CDH12: variants seen among roughly 807,000 people sequenced by gnomAD.
The protein encoded by CDH12 is cadherin 12, also known as cadherin-12.
CDH12 carries 41 observed loss-of-function variants against 74.1 expected under a neutral mutation model. The ratio of observed to expected loss-of-function variants is 0.55; its 90% confidence interval spans 0.43 to 0.72. The LOEUF (loss-of-function observed/expected upper bound fraction) is 0.72. Among genes scored for constraint, CDH12 ranks in the 30% least tolerant of loss-of-function variants. The probability of loss-of-function intolerance (pLI) is 0.00; values close to 1 mark genes in which losing one functional copy is unlikely to be tolerated. For missense variants in CDH12, 945 were observed against 977.2 expected, an observed-to-expected ratio of 0.97 and a Z score of 0.44; for synonymous variants, 399 against 355.0, an observed-to-expected ratio of 1.12 and a Z score of -1.39.
chr5:22,709,151 G>A (rs540467436), intron 1 of CDH12, among the ~76,000 whole-genome samples: 5 of 152,182 alleles, frequency 3.3e-5, no homozygotes, highest in Non-Finnish European at 7.3e-5. Flanking sequence ...GGAAGAGAGA[G>A]AGTGGCCACA....
chr5:21,796,215 G>A (rs532676614), intron 10 of CDH12, among the ~76,000 whole-genome samples: 104 of 152,088 alleles, frequency 6.8e-4, no homozygotes, highest in Non-Finnish European at 1.4e-3. Flanking sequence ...AGTTGAAAAT[G>A]CATCTAAGAC....
rs1267754140 is a variant in CDH12, at chr5:22,815,548, T to C, written c.-523+37510A>G. 2.0e-5 allele frequency among the ~76,000 whole-genome samples: 3 copies of C among 152,016 alleles called. No homozygotes were observed. The East Asian group carries it at 5.8e-4, about 29-fold the overall frequency. ...ACTTTGGGAGGCTGAGGGGGGCGGA[T>C]AACCTGAGGTCAGGAGTTCGAGACT... On this transcript the variant is annotated intron_variant, in intron 1 of 14. Transcript: ENST00000382254.
intron 2 of CDH12, among the ~76,000 whole-genome samples, chr5:22,459,908 C>T (rs1385134510): frequency 6.6e-6 from 1 of 151,744 alleles, no homozygotes; most frequent in Non-Finnish European, 1.5e-5. Context: ...ACGGAGGTTG[C>T]AGTGAGCCGA....
intron 6 of CDH12, among the ~76,000 whole-genome samples, chr5:21,872,806 C>G (rs1341894505): frequency 1.2e-4 from 18 of 151,310 alleles, no homozygotes; most frequent in Non-Finnish European, 1.6e-4. Flanking sequence ...ATCTATCTAT[C>G]TATCTATCTA....
At chr5:22,458,647 A>T (rs1316986611) in intron 2 of CDH12, among the ~76,000 whole-genome samples, 3 of 152,200 alleles carry the variant, frequency 2.0e-5, no homozygotes, top group African/African-American at 7.2e-5. Flanking sequence ...ACATCACAAA[A>T]TTGATATGCT....
chr5:22,050,903 A>G (rs1484473348), intron 5 of CDH12, among the ~76,000 whole-genome samples: 2 of 152,122 alleles, frequency 1.3e-5, no homozygotes, highest in Non-Finnish European at 2.9e-5. Flanking sequence ...CAATATTACT[A>G]CCAGTGTTCT....
At chr5:22,813,411 C>T (rs16899832) in intron 1 of CDH12, among the ~76,000 whole-genome samples, 43,972 of 151,848 alleles carry the variant, frequency 0.29, 6,767 homozygotes, top group South Asian at 0.37. Context: ...GTTTTTCTTT[C>T]GTCTCATTTT....
chr5:22,059,034 A>C (rs1021214739), intron 5 of CDH12, among the ~76,000 whole-genome samples: 3 of 152,152 alleles, frequency 2.0e-5, no homozygotes, highest in African/African-American at 7.2e-5. Flanking sequence ...GACATAAGAA[A>C]AACATTCAGT....
chr5:22,169,617 A>T (rs1325186678), intron 4 of CDH12, among the ~76,000 whole-genome samples: 1 of 151,982 alleles, frequency 6.6e-6, no homozygotes, highest in Non-Finnish European at 1.5e-5. Context: ...CCCATGATAG[A>T]CATTACTTTT....
chr5:22,812,968 G>A (rs1464384504), intron 1 of CDH12, among the ~76,000 whole-genome samples: 1 of 152,128 alleles, frequency 6.6e-6, no homozygotes, highest in African/African-American at 2.4e-5. Context: ...GAGACTTGCA[G>A]AAGGGGTTAC....
intron 1 of CDH12, among the ~76,000 whole-genome samples, chr5:22,761,676 G>T (rs904098807): frequency 3.3e-5 from 5 of 152,040 alleles, no homozygotes; most frequent in African/African-American, 9.7e-5. Context: ...ATTCCCAAGT[G>T]CTTGCTCATC....
intron 1 of CDH12, among the ~76,000 whole-genome samples, chr5:22,781,239 T>C (rs766122235): frequency 3.9e-5 from 6 of 152,230 alleles, no homozygotes; most frequent in Non-Finnish European, 8.8e-5. Context: ...TTACAGCTCC[T>C]AACCGTGGCA....
intron 5 of CDH12, among the ~76,000 whole-genome samples, chr5:22,000,851 A>G (rs1482741049): frequency 1.8e-4 from 28 of 152,228 alleles, no homozygotes; most frequent in Non-Finnish European, 3.8e-4. Context: ...ATTCAGCTCG[A>G]AAAAAAGCCT....
chr5:22,178,354 A>G (rs1243570197), intron 4 of CDH12, among the ~76,000 whole-genome samples: 1 of 152,170 alleles, frequency 6.6e-6, no homozygotes, highest in Non-Finnish European at 1.5e-5. Context: ...TGTGATGGGG[A>G]TATCAGATAT....
intron 7 of CDH12, among the ~76,000 whole-genome samples, chr5:21,845,113 T>C (rs1467751633): frequency 1.3e-5 from 2 of 152,110 alleles, no homozygotes; most frequent in African/African-American, 4.8e-5. Flanking sequence ...AACGGAAAGC[T>C]TGACTTATCT....
At chr5:22,151,130 T>C (rs1487495515) in intron 4 of CDH12, among the ~76,000 whole-genome samples, 1 of 152,162 alleles carries the variant, frequency 6.6e-6, no homozygotes, top group Admixed American at 6.5e-5. Context: ...TCCACACCCA[T>C]TTTACTCATG....
At chr5:21,839,020 T>C (rs919453010) in intron 8 of CDH12, among the ~76,000 whole-genome samples, 5 of 152,224 alleles carry the variant, frequency 3.3e-5, no homozygotes, top group African/African-American at 7.2e-5. Context: ...AGATTGAACA[T>C]ATTTCATATG....
At chr5:21,926,261 G>C (rs747677468) in intron 6 of CDH12, among the ~76,000 whole-genome samples, 2 of 152,194 alleles carry the variant, frequency 1.3e-5, no homozygotes, top group African/African-American at 2.4e-5. Context: ...GACTGTCCTA[G>C]TTTGGGCTGC....
chr5:22,497,806 A>G (rs549704103), intron 2 of CDH12, among the ~76,000 whole-genome samples: 1 of 151,438 alleles, frequency 6.6e-6, no homozygotes, highest in Admixed American at 6.6e-5. Flanking sequence ...CCACACCGGG[A>G]TAATTTTTGT....
Sources: allele counts gnomAD v4.1 joint callset (sites outside exome capture counted in the v4.1 genomes callset), GRCh38; gene constraint gnomAD v4.1.1; transcripts MANE v1.5; gene names NCBI Gene and HGNC (gene_info 2026-07-23, HGNC 2026-07-21).